The following SMOC2 variants were observed in gnomAD, a reference collection of about 807,000 sequenced individuals.
SMOC2 encodes SPARC related modular calcium binding 2.
In SMOC2, 39 loss-of-function variants were observed where a neutral mutation model predicts 61.4. The ratio of observed to expected loss-of-function variants is 0.64; its 90% CI spans 0.49 to 0.83. SMOC2 has a LOEUF of 0.83. Ranked by LOEUF, SMOC2 falls within the 40% of genes least tolerant of loss-of-function variation. The pLI, the probability that SMOC2 is intolerant of heterozygous loss-of-function variation, is 0.00. For missense variants in SMOC2, 556 were observed against 592.9 expected, an observed-to-expected ratio of 0.94 and a Z score of 0.65; for synonymous variants, 247 against 239.9, an observed-to-expected ratio of 1.03 and a Z score of -0.27.
rs146253498 is a variant in SMOC2, at chr6:168,605,279, C to G, written c.825-2878C>G. Among the ~76,000 whole-genome samples, 616 of 152,252 alleles carry G rather than the reference C, an allele frequency of 4.0e-3. 4 individuals are homozygous for G. The highest frequency in any genetic ancestry group is 0.014 in the African/African-American group (579 of 41,544). On this transcript the variant is annotated intron_variant, in intron 8 of 12. Transcript: ENST00000356284. ...AATGAGGTGTGTAGCCTCTGTTCCC[C>G]AACCCCAGAGCGTGTCTTTCAGTGG...
In SMOC2 at chr6:168,661,047, CA is replaced by C. The variant is rs1489635311; in HGVS notation, c.1286-3022del. Among the ~76,000 whole-genome samples the C allele has an allele frequency of 2.0e-5, 3 of 152,022 alleles. No homozygotes were observed. In the East Asian group the frequency reaches 5.8e-4, roughly 29 times the overall value. On this transcript the variant is annotated intron_variant, in intron 11 of 12. Coordinates refer to ENST00000356284, the MANE Select transcript of SMOC2 (RefSeq NM_001166412.2). ...GCAAAAGAGGCAATTTGGTCATGGT[CA>C]AAAATGAACATTGTGGTCTTGGATA... is the stretch of plus-strand genomic sequence containing the variant.
At chr6:168,649,083 A>G (rs1787125129) in intron 9 of SMOC2, among the ~76,000 whole-genome samples, 1 of 152,072 alleles carries the variant, frequency 6.6e-6, no homozygotes, top group Non-Finnish European at 1.5e-5. Context: ...GAGTCCAGAG[A>G]GAGCCCTCCT....
intron 9 of SMOC2, among the ~76,000 whole-genome samples, chr6:168,615,578 C>T (rs113719956): frequency 1.8e-5 from 2 of 110,046 alleles, no homozygotes; most frequent in Non-Finnish European, 3.8e-5. Context: ...CAGCACAGGG[C>T]CTCTTCATAC....
Position 168,598,802 on chromosome 6 carries a change from T to G in SMOC2, c.638-16T>G, listed in dbSNP as rs781088829. ...CGCTGGATCCTGCTCACCTTTTGCC[T>G]TCTTCTTCCCCGCAGTGTCATCCTG... On this transcript the variant is annotated splice_polypyrimidine_tract_variant and intron_variant, in intron 7 of 12. Transcript: ENST00000356284. 1.5e-5 allele frequency: 25 copies of G among 1,612,998 alleles called. No individual in the cohort carries two copies. Among genetic ancestry groups the G allele is most frequent in the African/African-American group, 8.0e-5 (6 of 74,868 alleles).
chr6:168,485,807 A>C (rs2115027645), intron 1 of SMOC2, among the ~76,000 whole-genome samples: 1 of 152,316 alleles, frequency 6.6e-6, no homozygotes, highest in Admixed American at 6.5e-5. Context: ...TACAATTTGA[A>C]TGGATGAATT....
chr6:168,524,355 A>G (rs752518451), intron 2 of SMOC2, among the ~76,000 whole-genome samples: 15 of 152,204 alleles, frequency 9.9e-5, no homozygotes, highest in African/African-American at 3.4e-4. Context: ...ATTGTTTCCT[A>G]TGACTAAATA....
intron 1 of SMOC2, among the ~76,000 whole-genome samples, chr6:168,506,427 C>T (rs937433473): frequency 1.3e-5 from 2 of 152,150 alleles, no homozygotes; most frequent in Admixed American, 6.5e-5. Flanking sequence ...TAGTCAGAGA[C>T]GTATTTAATC....
At chr6:168,500,303 A>G (rs1408953203) in intron 1 of SMOC2, among the ~76,000 whole-genome samples, 12 of 150,974 alleles carry the variant, frequency 7.9e-5, no homozygotes, top group South Asian at 2.1e-4. Context: ...AAAAAAAAAA[A>G]AAGAAGAAGA....
intron 8 of SMOC2, among the ~76,000 whole-genome samples, chr6:168,607,457 C>T (rs1228904018): frequency 1.3e-5 from 2 of 152,212 alleles, no homozygotes; most frequent in Non-Finnish European, 2.9e-5. Context: ...AGTAGTACCA[C>T]AGAGCCACTT....
intron 4 of SMOC2, among the ~76,000 whole-genome samples, chr6:168,541,905 T>C (rs1243508962): frequency 6.6e-6 from 1 of 152,176 alleles, no homozygotes; most frequent in African/African-American, 2.4e-5. Context: ...AAATGTTGGA[T>C]TCTGACCTCA....
intron 1 of SMOC2, among the ~76,000 whole-genome samples, chr6:168,488,163 T>A (rs1209261771): frequency 6.6e-6 from 1 of 152,216 alleles, no homozygotes; most frequent in Non-Finnish European, 1.5e-5. Flanking sequence ...TCTGGGTGAT[T>A]GCAGGCCTGC....
At chr6:168,552,683 A>G (rs1784154556) in intron 7 of SMOC2, among the ~76,000 whole-genome samples, 2 of 152,226 alleles carry the variant, frequency 1.3e-5, no homozygotes, top group South Asian at 4.1e-4. Flanking sequence ...AGGAAAATAA[A>G]ATACTTCTCT....
intron 11 of SMOC2, among the ~76,000 whole-genome samples, chr6:168,663,474 G>A (rs1202862770): frequency 1.3e-5 from 2 of 152,184 alleles, no homozygotes; most frequent in African/African-American, 2.4e-5. Context: ...TGAATCCCCC[G>A]CCTTCTGGGG....
intron 2 of SMOC2, among the ~76,000 whole-genome samples, chr6:168,518,824 AGTGCATGAGT>A (rs1783228737): frequency 2.1e-5 from 3 of 142,168 alleles, no homozygotes; most frequent in African/African-American, 8.1e-5. Context: ...TGTTTATGTG[AGTGCATGAGT>A]GTGCATGCGT....
At chr6:168,462,160 C>CA (rs2115004104) in intron 1 of SMOC2, among the ~76,000 whole-genome samples, 1 of 152,270 alleles carries the variant, frequency 6.6e-6, no homozygotes, top group Admixed American at 6.5e-5. Flanking sequence ...CTTTGAGGCA[C>CA]ACTTTTTCAT....
At chr6:168,472,823 G>T (rs1781993098) in intron 1 of SMOC2, among the ~76,000 whole-genome samples, 1 of 152,042 alleles carries the variant, frequency 6.6e-6, no homozygotes, top group South Asian at 2.1e-4. Flanking sequence ...AGGGGAAATG[G>T]GGAAATGCTA....
chr6:168,460,801 C>G (rs551830961), intron 1 of SMOC2, among the ~76,000 whole-genome samples: 16 of 152,322 alleles, frequency 1.1e-4, no homozygotes, highest in African/African-American at 3.8e-4. Flanking sequence ...TGTTAAGAGA[C>G]AAAAGCATCA....
chr6:168,562,611 A>C (rs1291485534), intron 7 of SMOC2, among the ~76,000 whole-genome samples: 2 of 152,210 alleles, frequency 1.3e-5, no homozygotes, highest in African/African-American at 2.4e-5. Flanking sequence ...GGCGAGGGCT[A>C]GATGACCCGC....
chr6:168,570,679 G>A (rs1421719287), intron 7 of SMOC2, among the ~76,000 whole-genome samples: 1 of 152,226 alleles, frequency 6.6e-6, no homozygotes, highest in Non-Finnish European at 1.5e-5. Context: ...ACCCTTAGGA[G>A]AGGGACGCTA....
Sources: allele counts gnomAD v4.1 joint callset (sites outside exome capture counted in the v4.1 genomes callset), GRCh38; gene constraint gnomAD v4.1.1; transcripts MANE v1.5; gene names NCBI Gene and HGNC (gene_info 2026-07-23, HGNC 2026-07-21).